STPG2: variants seen among roughly 807,000 people sequenced by gnomAD.
STPG2 encodes sperm-tail PG-rich repeat-containing protein 2.
A neutral mutation model predicts 54.2 loss-of-function variants in STPG2; 56 were observed. That is an observed-to-expected ratio of 1.03 (90% confidence interval 0.83 to 1.29). The LOEUF (loss-of-function observed/expected upper bound fraction) is 1.29. Ranked by LOEUF, STPG2 falls within the 50% of genes most tolerant of loss-of-function variation. The pLI is 0.00. For synonymous variants in STPG2, 200 were observed against 181.8 expected (o/e 1.10, Z -0.81); for missense variants, 596 against 544.9 (o/e 1.09, Z -0.93).
At chr4:98,136,177 C>T (rs1289729274) in intron 1 of STPG2, among the ~76,000 whole-genome samples, 5 of 151,350 alleles carry the variant, frequency 3.3e-5, no homozygotes, top group African/African-American at 4.8e-5. Context: ...ACTTATAAAA[C>T]AAAAAATACA....
intron 2 of STPG2, among the ~76,000 whole-genome samples, chr4:98,130,349 T>C (rs1231921726): frequency 3.3e-5 from 5 of 152,010 alleles, no homozygotes; most frequent in Admixed American, 2.6e-4. Flanking sequence ...CTAATTTTTG[T>C]AGTTTTTTAG....
chr4:97,737,293 A>G (rs903317991), intron 9 of STPG2, among the ~76,000 whole-genome samples: 16 of 152,196 alleles, frequency 1.1e-4, no homozygotes, highest in Non-Finnish European at 8.8e-5. Context: ...AAATTCTAAA[A>G]AGCAGAGTGC....
At chr4:98,108,705 T>G (rs1297032450) in intron 4 of STPG2, among the ~76,000 whole-genome samples, 4 of 152,298 alleles carry the variant, frequency 2.6e-5, no homozygotes. Flanking sequence ...GCTCTGCCAT[T>G]TAATAGCTGC....
intron 5 of STPG2, among the ~76,000 whole-genome samples, chr4:98,082,945 C>T (rs1484284427): frequency 6.6e-6 from 1 of 152,076 alleles, no homozygotes; most frequent in Admixed American, 6.6e-5. Flanking sequence ...CCACTATTGC[C>T]ATAATCTTCT....
intron 9 of STPG2, among the ~76,000 whole-genome samples, chr4:97,768,177 A>AC (rs1726116013): frequency 6.6e-6 from 1 of 152,070 alleles, no homozygotes; most frequent in Admixed American, 6.5e-5. Flanking sequence ...AAAAAAAAAA[A>AC]AAACATAAGA....
At chr4:98,127,379 T>C (rs189678043) in intron 3 of STPG2, among the ~76,000 whole-genome samples, 148 of 152,288 alleles carry the variant, frequency 9.7e-4, no homozygotes, top group Non-Finnish European at 1.6e-3. Flanking sequence ...CCCCAAAAAC[T>C]TCCCAGTGTA....
At chr4:97,591,562 C>T (rs917098735) in intron 10 of STPG2, among the ~76,000 whole-genome samples, 12 of 152,118 alleles carry the variant, frequency 7.9e-5, no homozygotes, top group Admixed American at 3.9e-4. Context: ...GATTCTTCCA[C>T]AGATCACCAC....
At chr4:97,782,175 A>T (rs1726651684) in intron 9 of STPG2, among the ~76,000 whole-genome samples, 1 of 152,236 alleles carries the variant, frequency 6.6e-6, no homozygotes. Flanking sequence ...TTGTATATTT[A>T]GAAAAGCCCA....
chr4:98,116,850 T>A (rs990623780), intron 3 of STPG2, among the ~76,000 whole-genome samples: 7 of 151,944 alleles, frequency 4.6e-5, no homozygotes, highest in African/African-American at 1.7e-4. Flanking sequence ...TTACCAGAAT[T>A]AATCTGGTTC....
At chr4:97,762,361 C>T (rs1295014866) in intron 9 of STPG2, among the ~76,000 whole-genome samples, 2 of 152,220 alleles carry the variant, frequency 1.3e-5, no homozygotes, top group Admixed American at 6.5e-5. Flanking sequence ...CCAATCTTTA[C>T]GGGAACATTA....
chr4:97,903,602 G>C (rs60007031), intron 8 of STPG2, among the ~76,000 whole-genome samples: 56,700 of 151,986 alleles, frequency 0.37, 10,661 homozygotes, highest in Middle Eastern at 0.45. Flanking sequence ...AAAAAGAGGG[G>C]AAGGAGCCAA....
chr4:98,085,443 G>C (rs1481156194), intron 5 of STPG2, among the ~76,000 whole-genome samples: 2 of 152,032 alleles, frequency 1.3e-5, no homozygotes, highest in Non-Finnish European at 2.9e-5. Context: ...TGATTGGGTT[G>C]ATACTATTAC....
Position 97,940,712 on chromosome 4 carries a change from T to C in STPG2, c.1044+3185A>G, listed in dbSNP as rs2149228783. ...CTTCAGCTCCTGTATCACTTTATTGTGATTTTAAAATAAACCAATTTTAAA... is the reference window on the plus strand; with the variant it reads ...CTTCAGCTCCTGTATCACTTTATTGCGATTTTAAAATAAACCAATTTTAAA... On this transcript the variant is annotated intron_variant, in intron 8 of 10. Transcript: ENST00000295268. 1.3e-5 allele frequency among the ~76,000 whole-genome samples: 2 copies of C among 152,328 alleles called. 1 individual carries two copies. Among genetic ancestry groups the C allele is most frequent in the South Asian group, 4.1e-4 (2 of 4,828 alleles).
chr4:98,025,657 C>A, intron 5 of STPG2: 2 of 940,376 alleles, frequency 2.1e-6, no homozygotes, highest in Non-Finnish European at 1.7e-6. Flanking sequence ...TGAAGGATGG[C>A]CTAACAAATT....
At chr4:97,786,178 T>C (rs1400701799) in intron 9 of STPG2, among the ~76,000 whole-genome samples, 6 of 146,478 alleles carry the variant, frequency 4.1e-5, no homozygotes, top group African/African-American at 7.8e-5. Context: ...TTCCCTGCCA[T>C]AGACATGAGT....
intron 10 of STPG2, among the ~76,000 whole-genome samples, chr4:97,700,491 G>T (rs571096078): frequency 5.3e-5 from 8 of 152,166 alleles, no homozygotes; most frequent in Non-Finnish European, 1.2e-4. Flanking sequence ...ATCTCAAAAG[G>T]CCCCACACCA....
intron 8 of STPG2, among the ~76,000 whole-genome samples, chr4:97,861,480 A>G (rs982902065): frequency 1.3e-5 from 2 of 152,192 alleles, no homozygotes; most frequent in African/African-American, 4.8e-5. Context: ...TGATCCAGCA[A>G]TCCCACTGCT....
At chr4:97,703,481 G>GTA (rs1479113127) in intron 10 of STPG2, among the ~76,000 whole-genome samples, 2 of 138,180 alleles carry the variant, frequency 1.4e-5, no homozygotes, top group Admixed American at 7.7e-5. Context: ...GTAGTATATA[G>GTA]TATATATATA....
intron 9 of STPG2, among the ~76,000 whole-genome samples, chr4:97,811,235 T>C (rs1169571677): frequency 1.3e-5 from 2 of 151,588 alleles, no homozygotes; most frequent in Non-Finnish European, 2.9e-5. Flanking sequence ...ATACTGAAAA[T>C]GCAAACTAGT....
Sources: gnomAD v4.1 joint callset for allele counts (sites outside exome capture counted in the v4.1 genomes callset) on GRCh38, gnomAD v4.1.1 for gene constraint, MANE v1.5 for transcripts, NCBI Gene and HGNC (gene_info 2026-07-23, HGNC 2026-07-21) for gene names.